The following SSH2 variants were observed in gnomAD, a reference collection of about 807,000 sequenced individuals.
SSH2 encodes the protein protein phosphatase Slingshot homolog 2.
SSH2 carries 37 observed loss-of-function variants against 135.2 expected under a neutral mutation model. The observed-to-expected ratio is 0.27, with a 90% CI of 0.21 to 0.36. SSH2 has a LOEUF of 0.36. Ranked by LOEUF, SSH2 falls within the 10% of genes least tolerant of loss-of-function variation. The probability of loss-of-function intolerance (pLI) is 1.00; values close to 1 mark genes in which losing one functional copy is unlikely to be tolerated. For missense variants in SSH2, 1,408 were observed against 1,765.3 expected (o/e 0.80, Z 3.63); for synonymous variants, 628 against 646.2 (o/e 0.97, Z 0.43).
At chr17:29,853,021 A>T (rs984405876) in intron 1 of SSH2, among the ~76,000 whole-genome samples, 1 of 151,624 alleles carries the variant, frequency 6.6e-6, no homozygotes, top group Non-Finnish European at 1.5e-5. Flanking sequence ...CAAAATAGTC[A>T]TTTCTGGTTT....
chr17:29,652,249 A>G (rs919127035), intron 12 of SSH2, among the ~76,000 whole-genome samples: 1 of 152,158 alleles, frequency 6.6e-6, no homozygotes, highest in Admixed American at 6.5e-5. Flanking sequence ...CAAATAATAA[A>G]TCCAAGAGAA....
At chr17:29,666,694 C>T (rs2037294262) in intron 11 of SSH2, among the ~76,000 whole-genome samples, 173 bp downstream of exon 11, 1 of 152,138 alleles carries the variant, frequency 6.6e-6, no homozygotes, top group Admixed American at 6.6e-5. Context: ...CACGCACACA[C>T]ACACTAAAAG....
intron 3 of SSH2, among the ~76,000 whole-genome samples, chr17:29,777,235 A>T (rs896228298): frequency 6.1e-4 from 92 of 152,030 alleles, no homozygotes; most frequent in South Asian, 1.9e-3. Context: ...AAAAAAAAAA[A>T]TTTTAAATTC....
intron 4 of SSH2, among the ~76,000 whole-genome samples, chr17:29,698,344 T>C (rs2038843564): frequency 1.3e-5 from 2 of 152,204 alleles, no homozygotes; most frequent in Non-Finnish European, 2.9e-5. Context: ...GGGTGAATTA[T>C]ATGGTATGTG....
At chr17:29,732,637 T>C (rs2040233605) in intron 3 of SSH2, among the ~76,000 whole-genome samples, 1 of 152,142 alleles carries the variant, frequency 6.6e-6, no homozygotes, top group African/African-American at 2.4e-5. Flanking sequence ...TCTCTCTATA[T>C]CAGCCAAGTT....
chr17:29,688,932 G>A (rs1480394362), intron 5 of SSH2, among the ~76,000 whole-genome samples: 1 of 152,162 alleles, frequency 6.6e-6, no homozygotes, highest in Non-Finnish European at 1.5e-5. Context: ...GAGGCAGGTG[G>A]ATCGCTTGAG....
intron 5 of SSH2, among the ~76,000 whole-genome samples, chr17:29,691,394 C>T (rs2038465339): frequency 6.6e-6 from 1 of 152,150 alleles, no homozygotes; most frequent in Admixed American, 6.5e-5. Context: ...CTTTATTTTA[C>T]TAGCTACAGT....
At position 29,822,042 on chromosome 17, in the gene SSH2, T is replaced by TA. The variant is rs1305090929; in HGVS notation, c.144+26806dup. ...CAGTAACCTGGGTCAAATTTGTAGC[T>TA]AAGTAAGGGCAAAGGCCACACTTAA... is the stretch of plus-strand genomic sequence containing the variant. On this transcript the variant is annotated intron_variant, in intron 2 of 15. Coordinates refer to ENST00000540801, the MANE Select transcript of SSH2 (RefSeq NM_001282129.2). 3.3e-5 allele frequency among the ~76,000 whole-genome samples: 5 copies of TA among 152,342 alleles called. No individual in the cohort carries two copies. The East Asian group carries it at 9.6e-4, about 29-fold the overall frequency.
intron 2 of SSH2, among the ~76,000 whole-genome samples, chr17:29,846,329 C>G (rs2043133323): frequency 6.6e-6 from 1 of 152,098 alleles, no homozygotes; most frequent in South Asian, 2.1e-4. Flanking sequence ...CCACTGTGCC[C>G]AGTCTGAACA....
chr17:29,682,943 T>A (rs761520407), intron 6 of SSH2, among the ~76,000 whole-genome samples: 1 of 152,216 alleles, frequency 6.6e-6, no homozygotes, highest in African/African-American at 2.4e-5. Flanking sequence ...GTATACAAGC[T>A]AATAACTTTG....
At chr17:29,734,500 A>T (rs975419500) in intron 3 of SSH2, among the ~76,000 whole-genome samples, 1 of 152,160 alleles carries the variant, frequency 6.6e-6, no homozygotes, top group Non-Finnish European at 1.5e-5. Flanking sequence ...ACTTCACTAA[A>T]TATCCAAGCC....
At chr17:29,834,679 T>A (rs964379692) in intron 2 of SSH2, among the ~76,000 whole-genome samples, 3 of 152,108 alleles carry the variant, frequency 2.0e-5, no homozygotes, top group African/African-American at 4.8e-5. Context: ...TATAAAAAAA[T>A]TCTCCTACAT....
chr17:29,831,929 A>G (rs1227893436), intron 2 of SSH2, among the ~76,000 whole-genome samples: 1 of 151,866 alleles, frequency 6.6e-6, no homozygotes, highest in Admixed American at 6.6e-5. Flanking sequence ...TTCTTTTGTT[A>G]TTTATTTATA....
intron 3 of SSH2, among the ~76,000 whole-genome samples, chr17:29,750,513 T>G (rs1000795787): frequency 1.6e-4 from 25 of 151,714 alleles, no homozygotes; most frequent in Non-Finnish European, 5.9e-5. Context: ...ACAAAAATAT[T>G]TTCTTTATAT....
chr17:29,849,103 T>A (rs536387391), intron 1 of SSH2, among the ~76,000 whole-genome samples, 174 bp from the exon 2 acceptor site: 1 of 152,322 alleles, frequency 6.6e-6, no homozygotes, highest in East Asian at 1.9e-4. Context: ...ACTGGTTAGT[T>A]GATTGAGGAA....
intron 1 of SSH2, among the ~76,000 whole-genome samples, chr17:29,849,467 A>G (rs1311919419): frequency 2.2e-5 from 3 of 135,914 alleles, no homozygotes; most frequent in Non-Finnish European, 4.6e-5. Context: ...CGACAGAGCG[A>G]GACTCCGTCT....
At chr17:29,826,334 G>A (rs1426596625) in intron 2 of SSH2, among the ~76,000 whole-genome samples, 4 of 151,902 alleles carry the variant, frequency 2.6e-5, no homozygotes, top group Non-Finnish European at 5.9e-5. Flanking sequence ...TTTGTTTGCC[G>A]AAACAGTCAC....
chr17:29,841,050 A>G (rs1299366181), intron 2 of SSH2, among the ~76,000 whole-genome samples: 1 of 152,216 alleles, frequency 6.6e-6, no homozygotes, highest in Non-Finnish European at 1.5e-5. Flanking sequence ...CACATGGTCA[A>G]GAAGTCAGGA....
In SSH2 at chr17:29,731,414, ATTTTTTATTTATTTAT is replaced by A. The variant is rs1438607698; in HGVS notation, c.189-28368_189-28353del. 8.0e-3 allele frequency among the ~76,000 whole-genome samples: 920 copies of A among 115,316 alleles called. 3 individuals are homozygous for A. Among genetic ancestry groups the A allele is most frequent in the Non-Finnish European group, 0.011 (592 of 54,676 alleles). 75.7% of individuals were successfully genotyped at this position (115,316 alleles called of 152,430 possible). On this transcript the variant is annotated intron_variant, in intron 3 of 15. Transcript: ENST00000540801. The stretch of plus-strand genomic sequence containing the variant: ...CAACTAGGTTTTTCATAGCAGAAGT[ATTTTTTATTTATTTAT>A]TTATTTATTTATTTATTTATTTATT...
Sources: gnomAD v4.1 joint callset for allele counts (sites outside exome capture counted in the v4.1 genomes callset) on GRCh38, gnomAD v4.1.1 for gene constraint, MANE v1.5 for transcripts, NCBI Gene and HGNC (gene_info 2026-07-23, HGNC 2026-07-21) for gene names.